EPN2: variants seen among roughly 807,000 people sequenced by gnomAD.
The protein encoded by EPN2 is epsin-2.
A neutral mutation model predicts 61.7 loss-of-function variants in EPN2; 34 were observed. The observed-to-expected ratio is 0.55, with a 90% CI of 0.42 to 0.73. The LOEUF (loss-of-function observed/expected upper bound fraction) is 0.73, where lower values mean the gene tolerates loss of function less well. Ranked by LOEUF, EPN2 falls within the 30% of genes least tolerant of loss-of-function variation. The pLI is 0.00. For synonymous variants in EPN2, 349 were observed against 353.6 expected, an observed-to-expected ratio of 0.99 and a Z score of 0.15; for missense variants, 714 against 839.2, an observed-to-expected ratio of 0.85 and a Z score of 1.84.
intron 4 of EPN2, among the ~76,000 whole-genome samples, chr17:19,289,084 T>G (rs1363100926): frequency 3.7e-5 from 5 of 136,656 alleles, no homozygotes; most frequent in African/African-American, 8.3e-5. Context: ...GTTTTTTTTT[T>G]TTTTTTTTTT....
intron 1 of EPN2, among the ~76,000 whole-genome samples, chr17:19,267,027 G>A (rs1385619145): frequency 1.3e-5 from 2 of 150,294 alleles, no homozygotes; most frequent in African/African-American, 4.9e-5. Flanking sequence ...TTTTAGTAGA[G>A]ACGGGGTTTC....
intron 1 of EPN2, among the ~76,000 whole-genome samples, chr17:19,271,212 CAGAT>C (rs1367505536): frequency 1.3e-5 from 2 of 151,968 alleles, no homozygotes; most frequent in East Asian, 3.9e-4. Context: ...TAAGAAATGT[CAGAT>C]AGAGGAGGGG....
At chr17:19,260,313 A>T (rs1428947857) in intron 1 of EPN2, among the ~76,000 whole-genome samples, 1 of 152,252 alleles carries the variant, frequency 6.6e-6, no homozygotes, top group African/African-American at 2.4e-5. Flanking sequence ...GACTGAGTGG[A>T]TAGCAGGCTG....
intron 4 of EPN2, among the ~76,000 whole-genome samples, chr17:19,288,873 T>A (rs1298706754): frequency 6.6e-6 from 1 of 152,068 alleles, no homozygotes; most frequent in East Asian, 1.9e-4. Context: ...CCTTCTGGGT[T>A]TATGTCAGAA....
intron 1 of EPN2, among the ~76,000 whole-genome samples, chr17:19,269,439 G>A (rs1275692082): frequency 6.6e-6 from 1 of 152,198 alleles, no homozygotes; most frequent in Non-Finnish European, 1.5e-5. Flanking sequence ...GTTTCTCAGG[G>A]TGTTAAAGTC....
intron 1 of EPN2, chr17:19,257,851 T>TA (rs1387857059): frequency 3.3e-5 from 5 of 152,224 alleles, no homozygotes; most frequent in African/African-American, 1.2e-4. Flanking sequence ...TGTGTTTGTT[T>TA]AGTCCTCAGG....
At chr17:19,326,364 C>A (rs1471728478) in intron 7 of EPN2, among the ~76,000 whole-genome samples, 1 of 152,140 alleles carries the variant, frequency 6.6e-6, no homozygotes, top group Non-Finnish European at 1.5e-5. Flanking sequence ...ATCAAGAATT[C>A]TCATAACACT....
chr17:19,237,745 G>T (rs1283933111), intron 1 of EPN2, among the ~76,000 whole-genome samples: 1 of 152,086 alleles, frequency 6.6e-6, no homozygotes, highest in African/African-American at 2.4e-5. Flanking sequence ...CTGGAGCATG[G>T]CCCCCTTCCC....
intron 6 of EPN2, 88 bp downstream of exon 6, chr17:19,312,232 A>C: frequency 3.3e-6 from 3 of 906,714 alleles, no homozygotes; most frequent in Non-Finnish European, 5.5e-6. Flanking sequence ...GGATGGCGTG[A>C]TGCACAGTGA....
chr17:19,320,703 C>G (rs1906598222), intron 7 of EPN2, among the ~76,000 whole-genome samples: 1 of 152,202 alleles, frequency 6.6e-6, no homozygotes, highest in South Asian at 2.1e-4. Context: ...ACCACTCAGT[C>G]TAAGACACTT....
intron 4 of EPN2, chr17:19,297,447 T>C (rs962964387): frequency 6.6e-6 from 1 of 152,220 alleles, no homozygotes; most frequent in African/African-American, 2.4e-5. Flanking sequence ...TTCCAAAAAG[T>C]TGGTTCATGT....
At chr17:19,269,072 G>A (rs542413399) in intron 1 of EPN2, among the ~76,000 whole-genome samples, 1 of 152,296 alleles carries the variant, frequency 6.6e-6, no homozygotes, top group Admixed American at 6.5e-5. Flanking sequence ...GAGTCATGGG[G>A]ACTTATTTTA....
chr17:19,254,528 G>A (rs549244022), intron 1 of EPN2, among the ~76,000 whole-genome samples: 1 of 152,208 alleles, frequency 6.6e-6, no homozygotes, highest in African/African-American at 2.4e-5. Context: ...GGGACAGAGC[G>A]AGACTCTGTC....
At chr17:19,274,822 A>T (rs2045290412) in intron 1 of EPN2, among the ~76,000 whole-genome samples, 1 of 152,004 alleles carries the variant, frequency 6.6e-6, no homozygotes, top group African/African-American at 2.4e-5. Context: ...GCACATTTTT[A>T]TGGAATACTT....
chr17:19,251,272 G>T (rs796884676), intron 1 of EPN2, among the ~76,000 whole-genome samples: 1 of 152,312 alleles, frequency 6.6e-6, no homozygotes, highest in Non-Finnish European at 1.5e-5. Flanking sequence ...GAAACAAATG[G>T]ATAGGCAATC....
chr17:19,288,692 A>G (rs2045428933), intron 4 of EPN2, among the ~76,000 whole-genome samples: 1 of 152,106 alleles, frequency 6.6e-6, no homozygotes, highest in African/African-American at 2.4e-5. Flanking sequence ...GGTGTGGGGC[A>G]GGGCCTCTCA....
rs200502674 is a variant in EPN2 at position 19,312,061 on chromosome 17, C to G, written c.889C>G (p.Leu297Val). The change falls in exon 6 of 11, where the codon CTC becomes GTC. Residue 297 changes from leucine to valine, a missense_variant. Transcript: ENST00000314728. ...SREVAEQEER[L>V]RRGDDLRLQM... ...CATTGTCCCTCTACAGGAAGAACGCCTCAGGCGGGGTGATGACCTCAGATT... is the reference window on the plus strand; with the variant it reads ...CATTGTCCCTCTACAGGAAGAACGCGTCAGGCGGGGTGATGACCTCAGATT... The G allele has an allele frequency of 3.1e-6, 5 of 1,613,314 alleles. No homozygotes were observed. The East Asian group carries it at 1.1e-4, about 36-fold the overall frequency.
intron 9 of EPN2, among the ~76,000 whole-genome samples, chr17:19,330,038 G>A (rs191245404): frequency 6.6e-6 from 1 of 152,170 alleles, no homozygotes; most frequent in Non-Finnish European, 1.5e-5. Context: ...CCTCTGCCCT[G>A]TGTTGTCACC....
At chr17:19,261,913 A>C (rs928603630) in intron 1 of EPN2, among the ~76,000 whole-genome samples, 1 of 152,052 alleles carries the variant, frequency 6.6e-6, no homozygotes, top group African/African-American at 2.4e-5. Context: ...ATTGGCTGGG[A>C]GTGGTGGCTC....
Sources: allele counts gnomAD v4.1 joint callset (sites outside exome capture counted in the v4.1 genomes callset), GRCh38; gene constraint gnomAD v4.1.1; transcripts MANE v1.5; gene names NCBI Gene and HGNC (gene_info 2026-07-23, HGNC 2026-07-21).